The following ACP3 variants were observed in gnomAD, a reference collection of about 807,000 sequenced individuals.
ACP3 encodes the protein acid phosphatase 3.
In ACP3, 38 loss-of-function variants were observed where a neutral mutation model predicts 45.6. That is an observed-to-expected ratio of 0.83 (90% CI 0.64 to 1.09). The LOEUF is 1.09. Among genes scored for constraint, ACP3 ranks in the 50% least tolerant of loss-of-function variants. The probability of loss-of-function intolerance (pLI) is 0.00; values close to 1 mark genes in which losing one functional copy is unlikely to be tolerated. For synonymous variants in ACP3, 162 were observed against 164.7 expected, an observed-to-expected ratio of 0.98 and a Z score of 0.13; for missense variants, 466 against 463.2, an observed-to-expected ratio of 1.01 and a Z score of -0.05.
At position 132,357,046 on chromosome 3, in the gene ACP3, A is replaced by C; in HGVS notation, c.*168A>C. On this transcript the variant is annotated 3_prime_UTR_variant, in exon 10 of 10. Coordinates refer to ENST00000336375, the MANE Select transcript of ACP3 (RefSeq NM_001099.5). Reference sequence around the variant, plus strand: ...CAGGCAATTCCTACCTCTTCACCTGACCCTGCCCCCACTTGCCATAAAACT... The same window carrying C: ...CAGGCAATTCCTACCTCTTCACCTGCCCCTGCCCCCACTTGCCATAAAACT... 1.0e-5 allele frequency: 14 copies of C among 1,358,344 alleles called. No homozygotes were observed. The highest frequency in any genetic ancestry group is 1.3e-5 in the Non-Finnish European group (14 of 1,057,924). 84.1% of individuals were successfully genotyped at this position (1,358,344 alleles called of 1,614,324 possible).
At chr3:132,339,004 T>C (rs1937522656) in intron 5 of ACP3, among the ~76,000 whole-genome samples, 1 of 152,174 alleles carries the variant, frequency 6.6e-6, no homozygotes, top group Non-Finnish European at 1.5e-5. Flanking sequence ...TCATTGGTTA[T>C]TTTTCCTGAC....
chr3:132,354,364 A>C (rs1937828825), intron 9 of ACP3, among the ~76,000 whole-genome samples: 1 of 152,012 alleles, frequency 6.6e-6, no homozygotes, highest in Non-Finnish European at 1.5e-5. Context: ...TTGTTTTACG[A>C]CCCTGAGTTA....
downstream of ACP3, among the ~76,000 whole-genome samples, chr3:132,363,258 C>A (rs1288127613): frequency 2.0e-5 from 3 of 152,134 alleles, no homozygotes; most frequent in Admixed American, 6.5e-5. Flanking sequence ...CTGTAGAATT[C>A]TTGACCTGTT....
rs1244045022 is a variant in ACP3, at chr3:132,358,141, G to A, written c.*1263G>A. The A allele has an allele frequency of 2.4e-5, 12 of 491,842 alleles. No individual in the cohort carries two copies. Among genetic ancestry groups the A allele is most frequent in the Non-Finnish European group, 3.2e-5 (12 of 378,604 alleles). 30.5% of individuals were successfully genotyped at this position (491,842 alleles called of 1,614,324 possible). A position where few individuals can be genotyped will look rare whatever the true frequency, so the allele number is the denominator to read the frequency against. On this transcript the variant is annotated 3_prime_UTR_variant, in exon 10 of 10. Coordinates refer to ENST00000336375, the MANE Select transcript of ACP3 (RefSeq NM_001099.5). ...ACAGTGGCTCACACCTGTAATCCTT[G>A]CATTTTGGAAGGCTGAGGCAGGAGG...
At chr3:132,330,850 T>G (rs779181953) in intron 2 of ACP3, among the ~76,000 whole-genome samples, 9 of 152,224 alleles carry the variant, frequency 5.9e-5, no homozygotes, top group Admixed American at 1.3e-4. Flanking sequence ...TTGGGAGACT[T>G]GTTAAAATGC....
In ACP3 at chr3:132,357,607, T is replaced by C; in HGVS notation, c.*729T>C. ...TGATGTATGTAATACATATAGCAGCTCTTGAAGTATATATATCATAGCAAA... is the reference window on the plus strand; with the variant it reads ...TGATGTATGTAATACATATAGCAGCCCTTGAAGTATATATATCATAGCAAA... On this transcript the variant is annotated 3_prime_UTR_variant, in exon 10 of 10. Coordinates refer to ENST00000336375, the MANE Select transcript of ACP3 (RefSeq NM_001099.5). 1 of 984,344 alleles carries C rather than the reference T, an allele frequency of 1.0e-6. No homozygotes were observed. Among genetic ancestry groups the C allele is most frequent in the Non-Finnish European group, 1.2e-6 (1 of 829,032 alleles). The allele number at this position is 984,344 out of a possible 1,614,324, so 61.0% of individuals were successfully genotyped here. A position where few individuals can be genotyped will look rare whatever the true frequency, so the allele number is the denominator to read the frequency against.
chr3:132,342,491 T>C, intron 5 of ACP3, 61 bp from the exon 6 acceptor site: 1 of 1,191,292 alleles, frequency 8.4e-7, no homozygotes, highest in Non-Finnish European at 1.2e-6. Context: ...GCCCAAAATA[T>C]CAATAATGCT....
chr3:132,329,114 A>G (rs1937355153), intron 2 of ACP3, among the ~76,000 whole-genome samples: 1 of 152,198 alleles, frequency 6.6e-6, no homozygotes. Context: ...CCAAAGCCCT[A>G]TTCCCTTTGC....
intron 1 of ACP3, among the ~76,000 whole-genome samples, chr3:132,318,557 G>A (rs1937149648): frequency 6.6e-6 from 1 of 150,594 alleles, no homozygotes; most frequent in Non-Finnish European, 1.5e-5. Context: ...CAGAAAATAT[G>A]ATACCCATGT....
intron 9 of ACP3, among the ~76,000 whole-genome samples, chr3:132,355,683 A>G (rs1937873811): frequency 6.6e-6 from 1 of 151,934 alleles, no homozygotes; most frequent in Admixed American, 6.6e-5. Context: ...ACACCCAGCT[A>G]ATTTTTGTAT....
In ACP3 at chr3:132,338,246, A is replaced by G. The variant is rs566902207; in HGVS notation, c.555+692A>G. ...TTCTTTTGTTACACGAAAATGGTATACTATTCATAGGGTTGGGCACCTTGG... is the reference window on the plus strand; with the variant it reads ...TTCTTTTGTTACACGAAAATGGTATGCTATTCATAGGGTTGGGCACCTTGG... On this transcript the variant is annotated intron_variant, in intron 5 of 9. Coordinates refer to ENST00000336375, the MANE Select transcript of ACP3 (RefSeq NM_001099.5). 6.7e-5 allele frequency among the ~76,000 whole-genome samples: 10 copies of G among 149,452 alleles called. No individual in the cohort carries two copies. The South Asian group carries it at 2.1e-3, about 31-fold the overall frequency.
In ACP3 at chr3:132,328,246, C is replaced by A. The variant is rs758944793; in HGVS notation, c.121-21C>A. ...CACCCAAGTGACGTTTGTAACATCACTCTCTCACATCTACTTTCAGGTGTT... is the reference window on the plus strand; with the variant it reads ...CACCCAAGTGACGTTTGTAACATCAATCTCTCACATCTACTTTCAGGTGTT... On this transcript the variant is annotated intron_variant, in intron 1 of 9. Coordinates refer to ENST00000336375, the MANE Select transcript of ACP3 (RefSeq NM_001099.5). 4 of 1,598,332 alleles carry A rather than the reference C, an allele frequency of 2.5e-6. No individual in the cohort carries two copies. The South Asian group carries it at 4.4e-5, about 18-fold the overall frequency.
chr3:132,328,185 G>GAAGA, intron 1 of ACP3, 82 bp from the exon 2 acceptor site: 1 of 921,634 alleles, frequency 1.1e-6, no homozygotes, highest in African/African-American at 1.7e-5. Context: ...CAATGAGTTA[G>GAAGA]AAAAAAAAAA....
chr3:132,331,524 C>A, intron 2 of ACP3, 123 bp from the exon 3 acceptor site: 3 of 669,054 alleles, frequency 4.5e-6, no homozygotes, highest in South Asian at 2.3e-5. Flanking sequence ...TATTGTGGAA[C>A]TATTAAACCA....
rs750317057 is a variant in ACP3 at position 132,332,318 on chromosome 3, C to A, written c.430C>A (p.His144Asn). The A allele has an allele frequency of 6.2e-7, 1 of 1,614,122 alleles. No individual in the cohort carries two copies. Among genetic ancestry groups the A allele is most frequent in the Non-Finnish European group, 8.5e-7 (1 of 1,180,002 alleles). Residue 144 changes from histidine to asparagine, a missense_variant, in exon 4 of 10, where the codon CAC becomes AAC. Coordinates refer to ENST00000336375, the MANE Select transcript of ACP3 (RefSeq NM_001099.5). ...PILLWQPIPV[H>N]TVPLSEDQLL... ...CCTACTCTGGCAGCCCATCCCGGTG[C>A]ACACAGTTCCTCTTTCTGAAGATCA...
intron 8 of ACP3, among the ~76,000 whole-genome samples, chr3:132,350,556 C>T (rs1476639256): frequency 1.3e-5 from 2 of 152,158 alleles, no homozygotes; most frequent in African/African-American, 4.8e-5. Flanking sequence ...TTAAGTCCCT[C>T]GGTTGTATTA....
At chr3:132,329,542 T>C (rs1937362001) in intron 2 of ACP3, among the ~76,000 whole-genome samples, 1 of 152,316 alleles carries the variant, frequency 6.6e-6, no homozygotes, top group East Asian at 1.9e-4. Context: ...TCTGTCCCTT[T>C]GAATGAAAGA....
At position 132,352,833 on chromosome 3, in the gene ACP3, T is replaced by A. The variant is rs777134665; in HGVS notation, c.968+10T>A. 1.3e-6 allele frequency: 2 copies of A among 1,569,838 alleles called. No homozygotes were observed. The highest frequency in any genetic ancestry group is 1.8e-6 in the Non-Finnish European group (2 of 1,139,814). On this transcript the variant is annotated intron_variant, in intron 9 of 9. Transcript: ENST00000336375. The stretch of plus-strand genomic sequence containing the variant: ...TGTACTTTGAGAAGGGGTAAGTGAC[T>A]AAGTGCTTTTCAAAATCAGTATCAC...
chr3:132,361,663 G>A (rs1480997899), downstream of ACP3, among the ~76,000 whole-genome samples: 1 of 152,158 alleles, frequency 6.6e-6, no homozygotes, highest in African/African-American at 2.4e-5. Context: ...CCTACTCCCT[G>A]CAGGAAGGCC....
Sources: allele counts gnomAD v4.1 joint callset (sites outside exome capture counted in the v4.1 genomes callset), GRCh38; gene constraint gnomAD v4.1.1; transcripts MANE v1.5; gene names NCBI Gene and HGNC (gene_info 2026-07-23, HGNC 2026-07-21).